The following NDNF variants were observed in gnomAD, a reference collection of about 807,000 sequenced individuals.
The protein encoded by NDNF is neuron derived neurotrophic factor.
A neutral mutation model predicts 42.0 loss-of-function variants in NDNF; 16 were observed. The observed-to-expected ratio is 0.38, with a 90% confidence interval of 0.26 to 0.58. The LOEUF (loss-of-function observed/expected upper bound fraction) is 0.58. Ranked by LOEUF, NDNF falls within the 20% of genes least tolerant of loss-of-function variation. The pLI, the probability that NDNF is intolerant of heterozygous loss-of-function variation, is 0.67. For missense variants in NDNF, 616 were observed against 666.2 expected, an observed-to-expected ratio of 0.92 and a Z score of 0.83; for synonymous variants, 248 against 251.7, an observed-to-expected ratio of 0.99 and a Z score of 0.14.
intron 1 of NDNF, 124 bp from the exon 2 acceptor site, chr4:121,045,962 T>C (rs939867472): frequency 2.5e-6 from 2 of 793,282 alleles, no homozygotes; most frequent in East Asian, 5.4e-5. Flanking sequence ...TCATGTATTT[T>C]GGATACATAC....
chr4:121,039,192 GTA>G (rs57613027), intron 3 of NDNF, among the ~76,000 whole-genome samples: 1,163 of 21,384 alleles, frequency 0.054, 18 homozygotes, highest in Middle Eastern at 0.15. Context: ...GTGTGTGTGT[GTA>G]TATATATATA....
intron 1 of NDNF, among the ~76,000 whole-genome samples, chr4:121,064,561 G>A (rs1727468035): frequency 6.6e-6 from 1 of 152,034 alleles, no homozygotes; most frequent in African/African-American, 2.4e-5. Context: ...CATAAAAGAG[G>A]AATTATGAAA....
At chr4:121,050,236 A>C (rs1254019291) in intron 1 of NDNF, among the ~76,000 whole-genome samples, 1 of 152,230 alleles carries the variant, frequency 6.6e-6, no homozygotes, top group East Asian at 1.9e-4. Context: ...TTTAAGAATT[A>C]GTCATTGAGA....
chr4:121,071,167 G>A (rs948730989), intron 1 of NDNF, among the ~76,000 whole-genome samples: 8 of 152,182 alleles, frequency 5.3e-5, no homozygotes, highest in African/African-American at 1.9e-4. Context: ...GGTAGCGCGG[G>A]TGAGAGCGAA....
intron 3 of NDNF, 25 bp downstream of exon 3, chr4:121,039,905 G>T: frequency 1.2e-6 from 2 of 1,604,822 alleles, no homozygotes; most frequent in Non-Finnish European, 1.7e-6. Context: ...CAAAGGTCCA[G>T]GGGCAGATCT....
intron 2 of NDNF, among the ~76,000 whole-genome samples, chr4:121,041,232 T>C (rs772997971): frequency 2.0e-5 from 3 of 152,258 alleles, no homozygotes; most frequent in Non-Finnish European, 2.9e-5. Flanking sequence ...CATTTAATTA[T>C]CTTTCAAAAC....
intron 2 of NDNF, among the ~76,000 whole-genome samples, chr4:121,043,147 C>T (rs1189338862): frequency 6.6e-6 from 1 of 152,172 alleles, no homozygotes; most frequent in Non-Finnish European, 1.5e-5. Flanking sequence ...GAGATATTTA[C>T]TGGCTAGTGA....
intron 1 of NDNF, among the ~76,000 whole-genome samples, chr4:121,067,112 G>T (rs1262096575): frequency 6.6e-6 from 1 of 152,218 alleles, no homozygotes; most frequent in Non-Finnish European, 1.5e-5. Context: ...CCACTCAAAT[G>T]AGTTGATTCC....
At position 121,040,170 on chromosome 4, in the gene NDNF, AT is replaced by A. The variant is rs1726973870; in HGVS notation, c.189-117del. 3.7e-6 allele frequency: 4 copies of A among 1,067,398 alleles called. No homozygotes were observed. In the South Asian group the frequency reaches 5.1e-5, roughly 14 times the overall value. 66.1% of individuals were successfully genotyped at this position (1,067,398 alleles called of 1,614,324 possible). A position where few individuals can be genotyped will look rare whatever the true frequency, so the allele number is the denominator to read the frequency against. On this transcript the variant is annotated intron_variant, in intron 2 of 3. Transcript: ENST00000379692. ...TTTTTCATTTTATAAATTTTATAAA[AT>A]TTTCATAAAATGTCATTGTATTTTC...
In NDNF at chr4:121,062,703, A is replaced by AT. The variant is rs139848526; in HGVS notation, c.-2+9289dup. 4.9e-4 allele frequency among the ~76,000 whole-genome samples: 75 copies of AT among 151,990 alleles called. 1 individual carries two copies. Among genetic ancestry groups the AT allele is most frequent in the Middle Eastern group, 3.4e-3 (1 of 294 alleles). On this transcript the variant is annotated intron_variant, in intron 1 of 3. Transcript: ENST00000379692. Reference sequence around the variant, plus strand: ...AGTTAGGTGTGGTTTTTCTTCTCCTATTTTTTTTCTTTTCTCTTTTTTATT... The same window carrying AT: ...AGTTAGGTGTGGTTTTTCTTCTCCTATTTTTTTTTCTTTTCTCTTTTTTATT...
intron 2 of NDNF, 42 bp from the exon 3 acceptor site, chr4:121,040,096 T>C: frequency 6.3e-7 from 1 of 1,579,848 alleles, no homozygotes; most frequent in Non-Finnish European, 8.6e-7. Context: ...TAATTCTTTC[T>C]AACATTTACA....
rs1727620558 is a variant in NDNF at position 121,072,285 on chromosome 4, C to G, written c.-294G>C. ...GGGAGCCGCGCGGGGCTGGGGAATC[C>G]CGGGGCAGCGCCGAGAAGCGGCGGG... On this transcript the variant is annotated 5_prime_UTR_variant, in exon 1 of 4. Transcript: ENST00000379692. 6.6e-6 allele frequency: 1 copy of G among 151,708 alleles called. No homozygotes were observed. The highest frequency in any genetic ancestry group is 6.6e-5 in the Admixed American group (1 of 15,218). The allele number at this position is 151,708 out of a possible 1,614,324, so 9.4% of individuals were successfully genotyped here. A position where few individuals can be genotyped will look rare whatever the true frequency, so the allele number is the denominator to read the frequency against.
Position 121,036,659 on chromosome 4 carries a change from T to A in NDNF, c.1312A>T (p.Arg438Trp). ...GAGGGAAATGACTGCTTAGTAGGCC[T>A]TGTGGTAGCTAGAATTTTCAACATA... Reference protein sequence around the residue: ...ASMLKILATTRPTKQSFPSLP... With the variant: ...ASMLKILATTWPTKQSFPSLP... The change falls in exon 4 of 4, where the codon AGG (arginine) becomes TGG (tryptophan). Residue 438 changes from arginine (R) to tryptophan (W), a missense_variant. By Grantham distance (101) the Arg-to-Trp change is moderately radical. Transcript: ENST00000379692. The A allele has an allele frequency of 6.2e-7, 1 of 1,614,198 alleles. No individual in the cohort carries two copies. The highest frequency in any genetic ancestry group is 8.5e-7 in the Non-Finnish European group (1 of 1,180,022).
chr4:121,052,484 C>A (rs1222054471), intron 1 of NDNF, among the ~76,000 whole-genome samples: 1 of 152,138 alleles, frequency 6.6e-6, no homozygotes, highest in Non-Finnish European at 1.5e-5. Context: ...CTGTTATTTT[C>A]TTTTCCTTTC....
At chr4:121,063,336 A>C (rs3956527) in intron 1 of NDNF, among the ~76,000 whole-genome samples, 1 of 152,038 alleles carries the variant, frequency 6.6e-6, no homozygotes. Context: ...CTAATCCCAA[A>C]TTTTCTTATT....
In NDNF at chr4:121,037,047, C is replaced by A. The variant is rs756779140; in HGVS notation, c.924G>T (p.Thr308=). ...IFTVSDLKPD[T]QYYFDVFVVN... ...CCACAAATACATCAAAGTAGTACTG[C>A]GTGTCGGGTTTCAGATCAGAGACGG... Residue 308 remains threonine (T), a synonymous_variant, in exon 4 of 4, where the codon ACG becomes ACT. Transcript: ENST00000379692. The A allele has an allele frequency of 1.7e-5, 28 of 1,613,742 alleles. No homozygotes were observed. The highest frequency in any genetic ancestry group is 2.4e-5 in the Non-Finnish European group (28 of 1,180,008).
intron 1 of NDNF, among the ~76,000 whole-genome samples, chr4:121,057,292 T>TA (rs1466913318): frequency 1.3e-5 from 2 of 151,860 alleles, no homozygotes; most frequent in African/African-American, 4.8e-5. Context: ...ACGTGAAGAG[T>TA]AAGCCATACA....
At chr4:121,041,442 C>G (rs1184351558) in intron 2 of NDNF, among the ~76,000 whole-genome samples, 1 of 152,180 alleles carries the variant, frequency 6.6e-6, no homozygotes, top group Admixed American at 6.5e-5. Context: ...TCTGCTGGTT[C>G]CTTCTCACCT....
At chr4:121,070,602 GTGTT>G (rs1163850338) in intron 1 of NDNF, among the ~76,000 whole-genome samples, 1 of 152,140 alleles carries the variant, frequency 6.6e-6, no homozygotes, top group Admixed American at 6.5e-5. Flanking sequence ...AGAGGGTAGT[GTGTT>G]TGGGGAAAGC....
Sources: allele counts gnomAD v4.1 joint callset (sites outside exome capture counted in the v4.1 genomes callset), GRCh38; gene constraint gnomAD v4.1.1; transcripts MANE v1.5; gene names NCBI Gene and HGNC (gene_info 2026-07-23, HGNC 2026-07-21).